Variants in MED25 observed in about 807,000 individuals in gnomAD.
MED25 encodes mediator complex subunit 25.
MED25 carries 62 observed loss-of-function variants against 89.4 expected under a neutral mutation model. The ratio of observed to expected loss-of-function variants is 0.69; its 90% CI spans 0.57 to 0.86. The LOEUF (loss-of-function observed/expected upper bound fraction) is 0.86, where lower values mean the gene tolerates loss of function less well. MED25 is among the 40% of genes least tolerant of loss of function. The probability of loss-of-function intolerance (pLI) is 0.00; values close to 1 mark genes in which losing one functional copy is unlikely to be tolerated. For synonymous variants in MED25, 449 were observed against 427.9 expected (o/e 1.05, Z -0.61); for missense variants, 905 against 1,005.2 (o/e 0.90, Z 1.35).
chr19:49,830,632 G>T lies in MED25; in HGVS notation c.907+34G>T. The T allele has an allele frequency of 6.2e-7, 1 of 1,613,088 alleles. No homozygotes were observed. The highest frequency in any genetic ancestry group is 8.5e-7 in the Non-Finnish European group (1 of 1,179,064). ...TGGAGTGAGGATGAAGGGCGGGCAG[G>T]GGCCAGGCAGGCCTCTCTCCACACA... On this transcript the variant is annotated intron_variant, in intron 8 of 17. Coordinates refer to ENST00000312865, the MANE Select transcript of MED25 (RefSeq NM_030973.4). The surrounding 1 kb of genome is among the most constrained non-coding windows in gnomAD (Gnocchi z 4.6).
In MED25 at chr19:49,831,904, T is replaced by A. The variant is rs750071157; in HGVS notation, c.1231-32T>A. The A allele has an allele frequency of 6.2e-7, 1 of 1,603,360 alleles. No homozygotes were observed. The highest frequency in any genetic ancestry group is 1.1e-5 in the South Asian group (1 of 90,888). On this transcript the variant is annotated intron_variant, in intron 10 of 17. Transcript: ENST00000312865. This position sits in a 1 kb window ranked among gnomAD's most constrained non-coding sequence, Gnocchi z 5.0. The stretch of plus-strand genomic sequence containing the variant: ...TCAAGGGGACTGAGGCTTATGGCCC[T>A]TTTTACTGACATGCTCTTTTTTCCC...
At chr19:49,820,691 C>T (rs961269956) in intron 3 of MED25, among the ~76,000 whole-genome samples, 5 of 152,246 alleles carry the variant, frequency 3.3e-5, no homozygotes, top group African/African-American at 1.2e-4. Flanking sequence ...CCATTGCTGC[C>T]TCTCAGACAA....
In MED25 at chr19:49,830,700, C is replaced by T; in HGVS notation, c.914C>T (p.Pro305Leu). ...QKAGLGPRFS[P>L]ITPLQQAAPG... ...CCCTTGGTCTCTCCCACAGTCTCGC[C>T]CATCACCCCTCTCCAACAAGCTGCT... The change falls in exon 9 of 18, where the codon CCC becomes CTC. Residue 305 changes from proline (P) to leucine (L), a missense_variant. Pro to Leu is a moderately conservative substitution (Grantham distance 98). Transcript: ENST00000312865. The surrounding 1 kb of genome is among the most constrained non-coding windows in gnomAD (Gnocchi z 4.6). 6.2e-7 allele frequency: 1 copy of T among 1,614,058 alleles called. No individual in the cohort carries two copies. The highest frequency in any genetic ancestry group is 1.7e-5 in the Admixed American group (1 of 60,020).
chr19:49,832,745 T>C (rs2074067879), intron 13 of MED25: 5 of 397,572 alleles, frequency 1.3e-5, no homozygotes, highest in South Asian at 1.1e-4. Context: ...CAGAGGGGCT[T>C]AAAACAACAG....
intron 3 of MED25, 54 bp from the exon 4 acceptor site, chr19:49,828,391 CATAG>C: frequency 8.5e-7 from 1 of 1,180,924 alleles, no homozygotes; most frequent in Admixed American, 1.7e-5. Context: ...GCTCTTCAAG[CATAG>C]CCTGGGGATG....
chr19:49,831,014 G>T lies in MED25; in HGVS notation c.1101+127G>T. 9.4e-7 allele frequency: 1 copy of T among 1,063,196 alleles called. No individual in the cohort carries two copies. 65.9% of individuals were successfully genotyped at this position (1,063,196 alleles called of 1,614,324 possible). A position where few individuals can be genotyped will look rare whatever the true frequency, so the allele number is the denominator to read the frequency against. On this transcript the variant is annotated intron_variant, in intron 9 of 17. Transcript: ENST00000312865. The surrounding 1 kb of genome is among the most constrained non-coding windows in gnomAD (Gnocchi z 5.0). ...CGTGGTTCTGGGGCTTTGGGGGCTC[G>T]TGGTGTGTGTGCTGCAGATGCCTGA...
rs1340131942 is a variant in MED25 at position 49,836,290 on chromosome 19, C to T, written c.2030C>T (p.Ala677Val). 1.3e-5 allele frequency: 21 copies of T among 1,612,006 alleles called. No individual in the cohort carries two copies. The highest frequency in any genetic ancestry group is 7.7e-5 in the South Asian group (7 of 90,984). ...LHHLQPPGAP[A>V]LLPPPHQGLG... ...CACCTCCAGCCACCAGGGGCTCCTGCGCTGCTGCCTCCGCCGCACCAGGGC... is the reference window on the plus strand; with the variant it reads ...CACCTCCAGCCACCAGGGGCTCCTGTGCTGCTGCCTCCGCCGCACCAGGGC... Residue 677 changes from alanine (A) to valine (V), a missense_variant, in exon 17 of 18, where the codon GCG becomes GTG. Physicochemically the swap from Ala to Val is moderately conservative, Grantham distance 64. Coordinates refer to ENST00000312865, the MANE Select transcript of MED25 (RefSeq NM_030973.4). This position sits in a 1 kb window ranked among gnomAD's most constrained non-coding sequence, Gnocchi z 5.1.
In MED25 at chr19:49,835,531, C is replaced by T; in HGVS notation, c.1675-3C>T. 6.4e-7 allele frequency: 1 copy of T among 1,553,794 alleles called. No individual in the cohort carries two copies. Among genetic ancestry groups the T allele is most frequent in the Non-Finnish European group, 8.7e-7 (1 of 1,149,404 alleles). On this transcript the variant is annotated splice_polypyrimidine_tract_variant and splice_region_variant and intron_variant, in intron 14 of 17. Transcript: ENST00000312865. This position sits in a 1 kb window ranked among gnomAD's most constrained non-coding sequence, Gnocchi z 6.2. ...ACTGACCTGCCCCTCTCTCCCCGTG[C>T]AGATGGGGGGACAGCAGGCACCCCC...
At position 49,834,941 on chromosome 19, in the gene MED25, C is replaced by T. The variant is rs1345407233; in HGVS notation, c.1483-45C>T. On this transcript the variant is annotated intron_variant, in intron 13 of 17. Transcript: ENST00000312865. This position sits in a 1 kb window ranked among gnomAD's most constrained non-coding sequence, Gnocchi z 4.1. Reference sequence around the variant, plus strand: ...GGAATGGGGAGGGGGTCAGGGCTGCCTCTTTCAGGGCCTGAATGGTTCTGA... The same window carrying T: ...GGAATGGGGAGGGGGTCAGGGCTGCTTCTTTCAGGGCCTGAATGGTTCTGA... The T allele has an allele frequency of 6.2e-7, 1 of 1,606,648 alleles. No individual in the cohort carries two copies. The highest frequency in any genetic ancestry group is 8.5e-7 in the Non-Finnish European group (1 of 1,174,716).
chr19:49,831,873 G>A lies in MED25; in HGVS notation c.1231-63G>A. 2.0e-6 allele frequency: 3 copies of A among 1,467,600 alleles called. No individual in the cohort carries two copies. In the South Asian group the frequency reaches 3.4e-5, roughly 17 times the overall value. 90.9% of individuals were successfully genotyped at this position (1,467,600 alleles called of 1,614,324 possible). A position where few individuals can be genotyped will look rare whatever the true frequency, so the allele number is the denominator to read the frequency against. The stretch of plus-strand genomic sequence containing the variant: ...CTTTGGGGCTACCAGGGTAGGACAT[G>A]AGGGCTCAAGGGGACTGAGGCTTAT... On this transcript the variant is annotated intron_variant, in intron 10 of 17. Transcript: ENST00000312865. The surrounding 1 kb of genome is among the most constrained non-coding windows in gnomAD (Gnocchi z 5.0).
chr19:49,818,533 C>G, intron 1 of MED25, 38 bp from the exon 2 acceptor site: 2 of 1,614,228 alleles, frequency 1.2e-6, no homozygotes, highest in Non-Finnish European at 1.7e-6. Context: ...CGCACAGTTT[C>G]TTGCCTGACT....
At position 49,831,546 on chromosome 19, in the gene MED25, GGGGTCTGCAGT is replaced by G; in HGVS notation, c.1230+87_1230+97del. 1.0e-5 allele frequency: 15 copies of G among 1,493,200 alleles called. No individual in the cohort carries two copies. Among genetic ancestry groups the G allele is most frequent in the Non-Finnish European group, 1.3e-5 (14 of 1,100,982 alleles). 92.5% of individuals were successfully genotyped at this position (1,493,200 alleles called of 1,614,324 possible). On this transcript the variant is annotated intron_variant, in intron 10 of 17. Transcript: ENST00000312865. This position sits in a 1 kb window ranked among gnomAD's most constrained non-coding sequence, Gnocchi z 5.0. ...GTAGGACTCATGGGGCCAGATGCGT[GGGGTCTGCAGT>G]GCTGGGTTTGGAGGCATTCGTTGCG...
Position 49,820,383 on chromosome 19 carries a change from A to G in MED25, c.305+1087A>G, listed in dbSNP as rs552610920. 2.6e-3 allele frequency among the ~76,000 whole-genome samples: 398 copies of G among 152,392 alleles called. 2 individuals carry two copies. The highest frequency in any genetic ancestry group is 3.7e-3 in the Non-Finnish European group (253 of 68,034). ...ACAGGTTTATAACTCAGGATTGCAC[A>G]TAACCGTTGCTATGCAACCCAGATG... On this transcript the variant is annotated intron_variant, in intron 3 of 17. Coordinates refer to ENST00000312865, the MANE Select transcript of MED25 (RefSeq NM_030973.4).
rs1480384153 is a variant in MED25 at position 49,832,154 on chromosome 19, G to T, written c.1371G>T (p.Leu457=). 6.2e-7 allele frequency: 1 copy of T among 1,612,604 alleles called. No homozygotes were observed. Among genetic ancestry groups the T allele is most frequent in the Admixed American group, 1.7e-5 (1 of 60,022 alleles). The change falls in exon 12 of 18, where the codon CTG becomes CTT. Residue 457 remains leucine (L), a synonymous_variant. Transcript: ENST00000312865. ...KLIMQLIPQQ[L]LTTLGPLFRN... Reference sequence around the variant, plus strand: ...TCATGCAGCTCATCCCCCAGCAGCTGCTGGTGAGTGGCGGTGGAGGGCCAG... The same window carrying T: ...TCATGCAGCTCATCCCCCAGCAGCTTCTGGTGAGTGGCGGTGGAGGGCCAG...
chr19:49,828,689 C>A, intron 4 of MED25, 142 bp downstream of exon 4: 1 of 914,926 alleles, frequency 1.1e-6, no homozygotes, highest in Non-Finnish European at 1.8e-6. Context: ...CAGGAGGCTG[C>A]AGGTGTGTCC....
At chr19:49,822,359 T>TCACTTCAA (rs1236815478) in intron 3 of MED25, among the ~76,000 whole-genome samples, 1 of 150,196 alleles carries the variant, frequency 6.7e-6, no homozygotes, top group Non-Finnish European at 1.5e-5. Flanking sequence ...GGCAGGAGAA[T>TCACTTCAA]CACTTCAAGC....
rs2074057295 is a variant in MED25, at chr19:49,831,477, G to A, written c.1230+16G>A. On this transcript the variant is annotated intron_variant, in intron 10 of 17. Coordinates refer to ENST00000312865, the MANE Select transcript of MED25 (RefSeq NM_030973.4). The surrounding 1 kb of genome is among the most constrained non-coding windows in gnomAD (Gnocchi z 5.0). ...GTGGCAAGAGGTGAGGGGCCTGAGG[G>A]TCCATTGGGCACTTGGGACTCCTGG... is the stretch of plus-strand genomic sequence containing the variant. 6.2e-7 allele frequency: 1 copy of A among 1,610,348 alleles called. No individual in the cohort carries two copies. Among genetic ancestry groups the A allele is most frequent in the Non-Finnish European group, 8.5e-7 (1 of 1,178,248 alleles).
rs1027470638 is a variant in MED25 at position 49,831,605 on chromosome 19, G to A, written c.1230+144G>A. 1.6e-5 allele frequency: 17 copies of A among 1,091,580 alleles called. No homozygotes were observed. Among genetic ancestry groups the A allele is most frequent in the Admixed American group, 2.6e-5 (1 of 38,382 alleles). 67.6% of individuals were successfully genotyped at this position (1,091,580 alleles called of 1,614,324 possible). On this transcript the variant is annotated intron_variant, in intron 10 of 17. Coordinates refer to ENST00000312865, the MANE Select transcript of MED25 (RefSeq NM_030973.4). This position sits in a 1 kb window ranked among gnomAD's most constrained non-coding sequence, Gnocchi z 5.0. ...GCGCTGGACCTGTGGGATGCGGGGC[G>A]AGGCCAGGAGCCCCATGGAGTGGTG...
At chr19:49,826,419 C>T (rs1261417869) in intron 3 of MED25, among the ~76,000 whole-genome samples, 1 of 152,146 alleles carries the variant, frequency 6.6e-6, no homozygotes, top group Non-Finnish European at 1.5e-5. Flanking sequence ...CCCGAGTGCC[C>T]TGAGAGCAGG....
Sources: allele counts gnomAD v4.1 joint callset (sites outside exome capture counted in the v4.1 genomes callset), GRCh38; gene constraint gnomAD v4.1.1; non-coding constraint Gnocchi (gnomAD v3.1); transcripts MANE v1.5; gene names NCBI Gene and HGNC (gene_info 2026-07-23, HGNC 2026-07-21).